ADAMTS15: variants seen among roughly 807,000 people sequenced by gnomAD.
ADAMTS15 encodes the protein A disintegrin and metalloproteinase with thrombospondin motifs 15.
In ADAMTS15, 35 loss-of-function variants were observed where a neutral mutation model predicts 79.1. The ratio of observed to expected loss-of-function variants is 0.44; its 90% CI spans 0.34 to 0.59. The LOEUF (loss-of-function observed/expected upper bound fraction) is 0.59, where lower values mean the gene tolerates loss of function less well. Among genes scored for constraint, ADAMTS15 ranks in the 20% least tolerant of loss-of-function variants. The probability of loss-of-function intolerance (pLI) is 0.02; values close to 1 mark genes in which losing one functional copy is unlikely to be tolerated. For missense variants in ADAMTS15, 1,324 were observed against 1,318.7 expected (o/e 1.00, Z -0.06); for synonymous variants, 616 against 567.3 (o/e 1.09, Z -1.22).
At chr11:130,458,490 G>T (rs1938133758) in intron 1 of ADAMTS15, among the ~76,000 whole-genome samples, 1 of 152,162 alleles carries the variant, frequency 6.6e-6, no homozygotes, top group African/African-American at 2.4e-5. Context: ...TGTTCCTTGG[G>T]GTTCTAAAAA....
intron 1 of ADAMTS15, among the ~76,000 whole-genome samples, chr11:130,460,027 A>G (rs1422016630): frequency 1.3e-5 from 2 of 152,206 alleles, no homozygotes; most frequent in Non-Finnish European, 2.9e-5. Context: ...AGGATTAAAT[A>G]GGGCTGTGTG....
Position 130,449,157 on chromosome 11 carries a change from G to A in ADAMTS15, c.184G>A (p.Glu62Lys), listed in dbSNP as rs779772643. 4.9e-5 allele frequency: 79 copies of A among 1,606,500 alleles called. No homozygotes were observed. The highest frequency in any genetic ancestry group is 6.5e-5 in the Non-Finnish European group (76 of 1,174,834). The part of the protein sequence containing the change: ...GLIFQITAFQ[E>K]DFYLHLTPDA... ...CATTTTTCAGATCACAGCATTTCAG[G>A]AGGACTTTTACCTACACCTGACGCC... Residue 62 changes from glutamate to lysine, a missense_variant, in exon 1 of 8, where the codon GAG becomes AAG. Transcript: ENST00000299164. This position sits in a 1 kb window ranked among gnomAD's most constrained non-coding sequence, Gnocchi z 7.8.
At chr11:130,450,814 C>T (rs1005977197) in intron 1 of ADAMTS15, among the ~76,000 whole-genome samples, 4 of 152,176 alleles carry the variant, frequency 2.6e-5, no homozygotes, top group African/African-American at 7.2e-5. Flanking sequence ...ATTCCTATGA[C>T]CACACTTGAC....
rs1469005927 is a variant in ADAMTS15, at chr11:130,474,591, C to CCATTA, written c.*773_*777dup. 6.6e-6 allele frequency: 1 copy of CCATTA among 152,300 alleles called. No homozygotes were observed. Among genetic ancestry groups the CCATTA allele is most frequent in the East Asian group, 1.9e-4 (1 of 5,186 alleles). 9.4% of individuals were successfully genotyped at this position (152,300 alleles called of 1,614,324 possible). On this transcript the variant is annotated 3_prime_UTR_variant, in exon 8 of 8. Transcript: ENST00000299164. The stretch of plus-strand genomic sequence containing the variant: ...GCTGTCTTCTTCAAGATGGAGCCGG[C>CCATTA]CATTACAGAAAGATGTTGACATTTG...
chr11:130,450,925 T>C (rs1937949688), intron 1 of ADAMTS15, among the ~76,000 whole-genome samples: 1 of 152,144 alleles, frequency 6.6e-6, no homozygotes, highest in East Asian at 1.9e-4. Context: ...AAACTGAGTA[T>C]TGGGATTAGA....
At position 130,474,195 on chromosome 11, in the gene ADAMTS15, T is replaced by G; in HGVS notation, c.*374T>G. 1 of 216,224 alleles carries G rather than the reference T, an allele frequency of 4.6e-6. No homozygotes were observed. Among genetic ancestry groups the G allele is most frequent in the Non-Finnish European group, 9.2e-6 (1 of 108,816 alleles). The allele number at this position is 216,224 out of a possible 1,614,324, so 13.4% of individuals were successfully genotyped here. On this transcript the variant is annotated 3_prime_UTR_variant, in exon 8 of 8. Coordinates refer to ENST00000299164, the MANE Select transcript of ADAMTS15 (RefSeq NM_139055.4). ...AGGCCACAGGCTGCTGGAAGAGCCA[T>G]GTCCCAGCAGCTTGGCACCCTCAGG...
At chr11:130,454,900 T>G (rs565380667) in intron 1 of ADAMTS15, among the ~76,000 whole-genome samples, 1 of 152,350 alleles carries the variant, frequency 6.6e-6, no homozygotes, top group East Asian at 1.9e-4. Context: ...GGTCTTGCTC[T>G]CCTTCTGCCT....
At chr11:130,469,623 A>C (rs1423749402) in intron 5 of ADAMTS15, among the ~76,000 whole-genome samples, 184 bp downstream of exon 5, 1 of 152,214 alleles carries the variant, frequency 6.6e-6, no homozygotes, top group Non-Finnish European at 1.5e-5. Context: ...CAGGATTCCA[A>C]CCTTCAGGAC....
chr11:130,461,547 G>A lies in ADAMTS15; in HGVS notation c.1016G>A (p.Cys339Tyr). The A allele has an allele frequency of 6.2e-7, 1 of 1,614,188 alleles. No individual in the cohort carries two copies. Among genetic ancestry groups the A allele is most frequent in the Non-Finnish European group, 8.5e-7 (1 of 1,180,048 alleles). Reference sequence around the variant, plus strand: ...GGCATGGCTGATGTGGGTACCATGTGTGACCCCAAGAGAAGCTGCTCTGTC... The same window carrying A: ...GGCATGGCTGATGTGGGTACCATGTATGACCCCAAGAGAAGCTGCTCTGTC... The part of the protein sequence containing the change: ...TLGMADVGTM[C>Y]DPKRSCSVIE... Residue 339 changes from cysteine (C) to tyrosine (Y), a missense_variant, in exon 2 of 8, where the codon TGT (cysteine) becomes TAT (tyrosine). By Grantham distance (194) the Cys-to-Tyr change is radical. Transcript: ENST00000299164.
chr11:130,456,400 G>T (rs1344551088), intron 1 of ADAMTS15, among the ~76,000 whole-genome samples: 1 of 152,120 alleles, frequency 6.6e-6, no homozygotes, highest in African/African-American at 2.4e-5. Flanking sequence ...TGTACATCTG[G>T]AGGGATTTAT....
intron 1 of ADAMTS15, chr11:130,450,326 G>T: frequency 1.0e-6 from 1 of 985,484 alleles, no homozygotes; most frequent in East Asian, 1.1e-4. Flanking sequence ...TGTATGGGCG[G>T]CTGAGTCTTC....
rs1455837786 is a variant in ADAMTS15 at position 130,472,220 on chromosome 11, A to G, written c.2079-827A>G. Among the ~76,000 whole-genome samples the G allele has an allele frequency of 6.6e-6, 1 of 152,236 alleles. No homozygotes were observed. The highest frequency in any genetic ancestry group is 1.5e-5 in the Non-Finnish European group (1 of 68,038). On this transcript the variant is annotated intron_variant, in intron 7 of 7. Coordinates refer to ENST00000299164, the MANE Select transcript of ADAMTS15 (RefSeq NM_139055.4). This position sits in a 1 kb window ranked among gnomAD's most constrained non-coding sequence, Gnocchi z 4.7. ...CCAGGTGCTGGTGATGGAAAGGCCT[A>G]GATGGCTGTCCTGGAGCCTTGACTG...
rs75920753 is a variant in ADAMTS15 at position 130,465,058 on chromosome 11, T to C, written c.1542+2278T>C. The stretch of plus-strand genomic sequence containing the variant: ...CCCATAATGCTGTCCAGGAGTCATA[T>C]ATTTCATTTCCCCAGTTGGCTTACT... On this transcript the variant is annotated intron_variant, in intron 4 of 7. Coordinates refer to ENST00000299164, the MANE Select transcript of ADAMTS15 (RefSeq NM_139055.4). Among the ~76,000 whole-genome samples, 173 of 152,182 alleles carry C rather than the reference T, an allele frequency of 1.1e-3. 1 individual carries two copies. The East Asian group carries it at 0.03, about 27-fold the overall frequency.
chr11:130,454,541 G>T (rs939330836), intron 1 of ADAMTS15, among the ~76,000 whole-genome samples: 1 of 152,212 alleles, frequency 6.6e-6, no homozygotes, highest in Non-Finnish European at 1.5e-5. Context: ...AATAGAAAAA[G>T]ATCATGATTT....
chr11:130,453,305 A>T (rs1336282748), intron 1 of ADAMTS15, among the ~76,000 whole-genome samples: 1 of 127,964 alleles, frequency 7.8e-6, no homozygotes. Context: ...TAGGACTTGT[A>T]GTTTATGGTT....
intron 4 of ADAMTS15, among the ~76,000 whole-genome samples, chr11:130,466,953 C>A (rs773487220): frequency 6.6e-6 from 1 of 152,160 alleles, no homozygotes; most frequent in Non-Finnish European, 1.5e-5. Context: ...CCCAACTCCT[C>A]CCTACCACCT....
chr11:130,468,596 T>C (rs2134734615), intron 4 of ADAMTS15, among the ~76,000 whole-genome samples: 1 of 151,238 alleles, frequency 6.6e-6, no homozygotes, highest in South Asian at 2.1e-4. Context: ...AAACCCCATC[T>C]CTACTAAAAA....
Position 130,462,504 on chromosome 11 carries a change from C to T in ADAMTS15, c.1266C>T (p.Cys422=). The T allele has an allele frequency of 1.3e-6, 2 of 1,588,906 alleles. No homozygotes were observed. Among genetic ancestry groups the T allele is most frequent in the Non-Finnish European group, 1.7e-6 (2 of 1,162,926 alleles). Residue 422 remains cysteine (C), a synonymous_variant, in exon 4 of 8, where the codon TGC becomes TGT. Transcript: ENST00000299164. The surrounding 1 kb of genome is among the most constrained non-coding windows in gnomAD (Gnocchi z 4.3). The part of the protein sequence containing the change: ...TDFLDSGHGD[C]LLDQPSKPIS... ...GCCCTCGGCTCTCTGCAGGTGACTG[C>T]CTCCTGGACCAACCCAGCAAGCCCA...
rs559469376 is a variant in ADAMTS15, at chr11:130,449,252, G to A, written c.279G>A (p.Gly93=). The A allele has an allele frequency of 2.5e-6, 4 of 1,613,254 alleles. No homozygotes were observed. The African/African-American group carries it at 5.3e-5, about 22-fold the overall frequency. Residue 93 remains glycine, a synonymous_variant, in exon 1 of 8, where the codon GGG becomes GGA. Coordinates refer to ENST00000299164, the MANE Select transcript of ADAMTS15 (RefSeq NM_139055.4). The surrounding 1 kb of genome is among the most constrained non-coding windows in gnomAD (Gnocchi z 7.8). ...GCGTCCCCCTCCAGGGGCTCACCGG[G>A]GGCTCTTCAGACCTGCGACGCTGCT... ...HLGVPLQGLT[G]GSSDLRRCFY...
Sources: allele counts gnomAD v4.1 joint callset (sites outside exome capture counted in the v4.1 genomes callset), GRCh38; gene constraint gnomAD v4.1.1; non-coding constraint Gnocchi (gnomAD v3.1); transcripts MANE v1.5; gene names NCBI Gene and HGNC (gene_info 2026-07-23, HGNC 2026-07-21).